Variants in PRR16 observed in about 807,000 individuals in gnomAD.
PRR16 encodes the protein proline rich 16, also known as protein Largen.
A neutral mutation model predicts 18.2 loss-of-function variants in PRR16; 6 were observed. The ratio of observed to expected loss-of-function variants is 0.33; its 90% CI spans 0.18 to 0.65. The LOEUF (loss-of-function observed/expected upper bound fraction) is 0.65, where lower values mean the gene tolerates loss of function less well. Among genes scored for constraint, PRR16 ranks in the 30% least tolerant of loss-of-function variants. PRR16 has a pLI of 0.74. For synonymous variants in PRR16, 151 were observed against 147.8 expected (o/e 1.02, Z -0.16); for missense variants, 412 against 376.6 (o/e 1.09, Z -0.78).
At chr5:120,750,330 C>T in the PRR16 span, among the ~76,000 whole-genome samples, 2 of 152,086 alleles carry the variant, frequency 1.3e-5, no homozygotes, top group East Asian at 1.9e-4. Flanking sequence ...ACTTTTACCC[C>T]GTCAACATAT....
intron 1 of PRR16, among the ~76,000 whole-genome samples, chr5:120,605,838 A>G (rs1754135513): frequency 1.3e-5 from 2 of 152,132 alleles, no homozygotes; most frequent in Admixed American, 1.3e-4. Context: ...AGGACCAGGA[A>G]TGTAGCTTTG....
chr5:120,533,025 G>T (rs59273651), intron 1 of PRR16, among the ~76,000 whole-genome samples: 2,966 of 152,220 alleles, frequency 0.019, 47 homozygotes, highest in African/African-American at 0.04. Flanking sequence ...CCTTGCTTTT[G>T]CATCCCCCCT....
chr5:120,717,591 C>T, the PRR16 span, among the ~76,000 whole-genome samples: 1 of 152,154 alleles, frequency 6.6e-6, no homozygotes, highest in South Asian at 2.1e-4. Flanking sequence ...GTCACATATG[C>T]AGTCCTTTTC....
chr5:120,760,221 T>A, the PRR16 span, among the ~76,000 whole-genome samples: 6 of 152,136 alleles, frequency 3.9e-5, no homozygotes, highest in Non-Finnish European at 8.8e-5. Flanking sequence ...AGGAGGATGG[T>A]AGAATGAGCC....
At chr5:120,667,440 G>A (rs1019728926) in intron 1 of PRR16, among the ~76,000 whole-genome samples, 10 of 151,814 alleles carry the variant, frequency 6.6e-5, no homozygotes, top group Admixed American at 1.3e-4. Context: ...AGCGTTTTTT[G>A]TGTCTCTATT....
chr5:120,669,376 A>G (rs1756512814), intron 1 of PRR16, among the ~76,000 whole-genome samples: 1 of 152,044 alleles, frequency 6.6e-6, no homozygotes, highest in Non-Finnish European at 1.5e-5. Flanking sequence ...TTAGTTTGCC[A>G]ACTCTACTTT....
the PRR16 span, among the ~76,000 whole-genome samples, chr5:120,793,348 T>G: frequency 2.3e-4 from 35 of 149,822 alleles, no homozygotes; most frequent in African/African-American, 7.8e-4. Context: ...AAAAATAAAA[T>G]AAAAAGAAAA....
intron 1 of PRR16, among the ~76,000 whole-genome samples, chr5:120,635,906 G>A (rs60807869): frequency 0.23 from 35,474 of 151,946 alleles, 5,689 homozygotes; most frequent in African/African-American, 0.45. Flanking sequence ...GAACTGGTAA[G>A]TGAATTCAGC....
At chr5:120,489,320 A>G (rs1000060302) in intron 1 of PRR16, among the ~76,000 whole-genome samples, 1 of 152,168 alleles carries the variant, frequency 6.6e-6, no homozygotes, top group African/African-American at 2.4e-5. Context: ...GACTTGCCTT[A>G]CGAATCTGGG....
chr5:120,696,947 A>G, the PRR16 span, among the ~76,000 whole-genome samples: 1 of 147,490 alleles, frequency 6.8e-6, no homozygotes, highest in African/African-American at 2.5e-5. Flanking sequence ...AGCAATTAAT[A>G]TATTGTGCTT....
At chr5:120,774,613 T>C in the PRR16 span, among the ~76,000 whole-genome samples, 1 of 152,088 alleles carries the variant, frequency 6.6e-6, no homozygotes, top group Admixed American at 6.5e-5. Context: ...TCCTGCTGAG[T>C]TGTAAAACCC....
chr5:120,610,401 T>G (rs537956102), intron 1 of PRR16, among the ~76,000 whole-genome samples: 4 of 150,950 alleles, frequency 2.6e-5, no homozygotes, highest in Middle Eastern at 3.4e-3. Flanking sequence ...TTAAAATAAA[T>G]AAAACTTAAA....
At position 120,679,705 on chromosome 5, in the gene PRR16, C is replaced by T. The variant is rs771209992; in HGVS notation, c.160-6249C>T. Among the ~76,000 whole-genome samples, 7 of 152,008 alleles carry T rather than the reference C, an allele frequency of 4.6e-5. 1 individual carries two copies. The East Asian group carries it at 1.2e-3, about 25-fold the overall frequency. On this transcript the variant is annotated intron_variant, in intron 1 of 1. Coordinates refer to ENST00000407149, the MANE Select transcript of PRR16 (RefSeq NM_001300783.2). ...AAGAAACCCTGCCGTTTGCCACACA[C>T]GGATGGACTTGAACGACATTATGCT...
chr5:120,537,993 G>T (rs2112677662), intron 1 of PRR16, among the ~76,000 whole-genome samples: 1 of 151,696 alleles, frequency 6.6e-6, no homozygotes, highest in Non-Finnish European at 1.5e-5. Context: ...AGCCGGGATG[G>T]TCTCAATCTC....
the PRR16 span, among the ~76,000 whole-genome samples, chr5:120,792,910 G>A: frequency 6.7e-6 from 1 of 150,156 alleles, no homozygotes; most frequent in African/African-American, 2.4e-5. Flanking sequence ...CCAGAACTTC[G>A]AGAGGCCGAG....
chr5:120,540,806 A>G (rs769300432), intron 1 of PRR16, among the ~76,000 whole-genome samples: 1 of 152,132 alleles, frequency 6.6e-6, no homozygotes, highest in Non-Finnish European at 1.5e-5. Context: ...TAGTGACCAC[A>G]GAATAGATCA....
At chr5:120,670,208 C>A (rs758595366) in intron 1 of PRR16, among the ~76,000 whole-genome samples, 2 of 151,964 alleles carry the variant, frequency 1.3e-5, no homozygotes, top group African/African-American at 2.4e-5. Flanking sequence ...TTTCTCAGTA[C>A]CACATATAGA....
chr5:120,550,945 T>C (rs10064953), intron 1 of PRR16, among the ~76,000 whole-genome samples: 1,738 of 152,122 alleles, frequency 0.011, 36 homozygotes, highest in African/African-American at 0.04. Context: ...ATTCAAAGTA[T>C]ACAATGTGAC....
chr5:120,538,369 A>C (rs1258689886), intron 1 of PRR16, among the ~76,000 whole-genome samples: 1 of 152,214 alleles, frequency 6.6e-6, no homozygotes, highest in Non-Finnish European at 1.5e-5. Context: ...AGGATTTGTC[A>C]CTACTTTGCA....
Sources: gnomAD v4.1 joint callset for allele counts (sites outside exome capture counted in the v4.1 genomes callset) on GRCh38, gnomAD v4.1.1 for gene constraint, MANE v1.5 for transcripts, NCBI Gene and HGNC (gene_info 2026-07-23, HGNC 2026-07-21) for gene names.